Variants in EXOC2 observed in about 807,000 individuals in gnomAD.
EXOC2 encodes SEC5-like 1.
A neutral mutation model predicts 131.8 loss-of-function variants in EXOC2; 70 were observed. The ratio of observed to expected loss-of-function variants is 0.53; its 90% confidence interval spans 0.44 to 0.65. The LOEUF is 0.65. EXOC2 is among the 30% of genes least tolerant of loss of function. The pLI, the probability that EXOC2 is intolerant of heterozygous loss-of-function variation, is 0.00. For synonymous variants in EXOC2, 411 were observed against 398.4 expected (o/e 1.03, Z -0.38); for missense variants, 923 against 1,108.6 (o/e 0.83, Z 2.38).
chr6:643,723 A>T (rs1348549261), intron 1 of EXOC2, among the ~76,000 whole-genome samples: 2 of 152,102 alleles, frequency 1.3e-5, no homozygotes, highest in Non-Finnish European at 2.9e-5. Flanking sequence ...GGAAACCAAT[A>T]ACATAAGTAA....
chr6:513,263 A>G (rs1420347981), intron 23 of EXOC2, among the ~76,000 whole-genome samples: 1 of 152,222 alleles, frequency 6.6e-6, no homozygotes, highest in Non-Finnish European at 1.5e-5. Context: ...GTGGTCACCC[A>G]CGGTTTACGT....
chr6:533,070 A>G (rs1236313285), intron 22 of EXOC2, among the ~76,000 whole-genome samples: 1 of 152,154 alleles, frequency 6.6e-6, no homozygotes, highest in Non-Finnish European at 1.5e-5. Context: ...ATTAGATCCC[A>G]TTAGAACTTA....
At chr6:560,486 A>G (rs1757642205) in intron 17 of EXOC2, among the ~76,000 whole-genome samples, 1 of 152,228 alleles carries the variant, frequency 6.6e-6, no homozygotes, top group South Asian at 2.1e-4. Context: ...CCATAAAGTC[A>G]ATTTTCATAT....
At chr6:509,418 T>A (rs1764730525) in intron 23 of EXOC2, among the ~76,000 whole-genome samples, 1 of 152,218 alleles carries the variant, frequency 6.6e-6, no homozygotes, top group Non-Finnish European at 1.5e-5. Flanking sequence ...ATTATACTCC[T>A]ATTTCTTCAT....
intron 23 of EXOC2, among the ~76,000 whole-genome samples, chr6:526,442 T>G (rs1356768869): frequency 7.2e-6 from 1 of 139,632 alleles, no homozygotes. Context: ...ATTTTTTTTT[T>G]TTTTTTTTTT....
chr6:608,241 G>A (rs904648796), intron 7 of EXOC2, among the ~76,000 whole-genome samples: 1 of 152,204 alleles, frequency 6.6e-6, no homozygotes, highest in African/African-American at 2.4e-5. Context: ...ACTCTCTCGG[G>A]GCCAGAGCTG....
rs899287231 is a variant in EXOC2, at chr6:513,607, C to A, written c.2381-13907G>T. On this transcript the variant is annotated intron_variant, in intron 23 of 27. Coordinates refer to ENST00000230449, the MANE Select transcript of EXOC2 (RefSeq NM_018303.6). ...AGTCACATGCATTCTATGTATAATC[C>A]TTAAAGTCCCTATTACTGTAATCAT... is the stretch of plus-strand genomic sequence containing the variant. 2.6e-5 allele frequency among the ~76,000 whole-genome samples: 4 copies of A among 152,234 alleles called. No individual in the cohort carries two copies. The East Asian group carries it at 7.7e-4, about 29-fold the overall frequency.
intron 25 of EXOC2, among the ~76,000 whole-genome samples, chr6:491,950 G>A (rs1456878965): frequency 1.3e-5 from 2 of 152,182 alleles, no homozygotes; most frequent in East Asian, 3.9e-4. Context: ...TAGGGCAACT[G>A]GATATCCACA....
chr6:552,282 A>G (rs2473491), intron 21 of EXOC2, among the ~76,000 whole-genome samples: 145,183 of 152,298 alleles, frequency 0.95, 69,300 homozygotes, highest in East Asian at 1. Flanking sequence ...TGTGAGGACC[A>G]AGTGCCGCCC....
intron 10 of EXOC2, 53 bp from the exon 11 acceptor site, chr6:592,640 A>G: frequency 7.2e-7 from 1 of 1,395,062 alleles, no homozygotes; most frequent in Non-Finnish European, 1.0e-6. Context: ...GCATATTTTA[A>G]AATCATTACT....
chr6:673,927 A>G (rs1478255559), intron 1 of EXOC2, among the ~76,000 whole-genome samples: 1 of 152,194 alleles, frequency 6.6e-6, no homozygotes, highest in Non-Finnish European at 1.5e-5. Flanking sequence ...TTTTTTAAAA[A>G]AAGTATTATC....
At chr6:648,713 ACTCT>A (rs1047053469) in intron 1 of EXOC2, among the ~76,000 whole-genome samples, 4 of 127,206 alleles carry the variant, frequency 3.1e-5, no homozygotes, top group African/African-American at 1.2e-4. Context: ...ACTTTTAAAA[ACTCT>A]TTTTTTTTTT....
chr6:556,360 A>G, intron 18 of EXOC2, 124 bp downstream of exon 18: 1 of 1,016,346 alleles, frequency 9.8e-7, no homozygotes, highest in Non-Finnish European at 1.5e-6. Context: ...ACGCAGTTAA[A>G]CTAAATGGAA....
chr6:595,603 AT>A (rs1200090684), intron 10 of EXOC2, among the ~76,000 whole-genome samples: 1 of 152,076 alleles, frequency 6.6e-6, no homozygotes, highest in Non-Finnish European at 1.5e-5. Context: ...TTATATACTC[AT>A]AAAAACTGCA....
intron 1 of EXOC2, among the ~76,000 whole-genome samples, chr6:684,616 C>T (rs908887498): frequency 2.5e-4 from 38 of 152,192 alleles, no homozygotes; most frequent in African/African-American, 8.9e-4. Context: ...GTGTTTTCTG[C>T]AACAGAAGTC....
chr6:690,546 A>T (rs1408391440), intron 1 of EXOC2, among the ~76,000 whole-genome samples: 1 of 151,950 alleles, frequency 6.6e-6, no homozygotes, highest in Non-Finnish European at 1.5e-5. Flanking sequence ...TACTAAAAAT[A>T]CAAAAAGTTA....
chr6:691,814 C>G lies in EXOC2; in HGVS notation c.-44+1205G>C, dbSNP rs907714350. ...TTTCTAAAACTTCCAAGAGTTGGTC[C>G]AAGTCACACTGGGGGAACTCTGCTT... On this transcript the variant is annotated intron_variant, in intron 1 of 27. Coordinates refer to ENST00000230449, the MANE Select transcript of EXOC2 (RefSeq NM_018303.6). 3.3e-5 allele frequency among the ~76,000 whole-genome samples: 5 copies of G among 152,322 alleles called. No homozygotes were observed. In the South Asian group the frequency reaches 1.0e-3, roughly 32 times the overall value.
chr6:654,934 G>A (rs12660873), intron 1 of EXOC2, among the ~76,000 whole-genome samples: 1 of 147,914 alleles, frequency 6.8e-6, no homozygotes, highest in Non-Finnish European at 1.5e-5. Flanking sequence ...TTTTGAGATA[G>A]AATCTACTCC....
rs758537158 is a variant in EXOC2, at chr6:532,595, A to G, written c.2254T>C (p.Leu752=). Residue 752 remains leucine, a synonymous_variant, in exon 23 of 28, where the codon TTG becomes CTG. Coordinates refer to ENST00000230449, the MANE Select transcript of EXOC2 (RefSeq NM_018303.6). ...AAGAGTCTTTGATCTAGTTCTTTCA[A>G]TGAGGCCATGCTAACCTATAAACAC... ...EKITQVSMAS[L]KELDQRLFEN... The G allele has an allele frequency of 6.3e-7, 1 of 1,595,266 alleles. No individual in the cohort carries two copies. Among genetic ancestry groups the G allele is most frequent in the Non-Finnish European group, 8.5e-7 (1 of 1,173,184 alleles).
Sources: gnomAD v4.1 joint callset for allele counts (sites outside exome capture counted in the v4.1 genomes callset) on GRCh38, gnomAD v4.1.1 for gene constraint, MANE v1.5 for transcripts, NCBI Gene and HGNC (gene_info 2026-07-23, HGNC 2026-07-21) for gene names.